The following COBL variants were observed in gnomAD, a reference collection of about 807,000 sequenced individuals.
COBL encodes the protein cordon-bleu WH2 repeat protein.
Under a neutral mutation model 98.8 loss-of-function variants are expected in COBL, and 51 were observed. That is an observed-to-expected ratio of 0.52 (90% CI 0.41 to 0.65). The LOEUF is 0.65. Ranked by LOEUF, COBL falls within the 30% of genes least tolerant of loss-of-function variation. The pLI, the probability that COBL is intolerant of heterozygous loss-of-function variation, is 0.00. For missense variants in COBL, 1,617 were observed against 1,617.5 expected (o/e 1.00, Z 0.01); for synonymous variants, 634 against 651.7 (o/e 0.97, Z 0.41).
At chr7:51,303,085 T>A (rs1172746550) in intron 1 of COBL, among the ~76,000 whole-genome samples, 3 of 152,208 alleles carry the variant, frequency 2.0e-5, no homozygotes, top group Non-Finnish European at 4.4e-5. Flanking sequence ...TAGAATGTTT[T>A]AAAATACAAT....
chr7:51,185,881 G>A (rs1289822604), intron 4 of COBL, among the ~76,000 whole-genome samples: 3 of 152,218 alleles, frequency 2.0e-5, no homozygotes, highest in African/African-American at 7.2e-5. Flanking sequence ...CAAAAACCCA[G>A]CACACACGCT....
rs1563032290 is a variant in COBL at position 51,203,237 on chromosome 7, C to CT, written c.246-9649_246-9648insA. Among the ~76,000 whole-genome samples the CT allele has an allele frequency of 1.4e-4, 16 of 115,832 alleles. 1 individual carries two copies. Among genetic ancestry groups the CT allele is most frequent in the Admixed American group, 4.0e-4 (5 of 12,356 alleles). The allele number at this position is 115,832 out of a possible 152,430, so 76.0% of individuals were successfully genotyped here. ...AAAACTCTTGGGAGGCCGAGGCGGG[C>CT]GGATCACGAGGTCAGGAGATCGAGA... On this transcript the variant is annotated intron_variant, in intron 2 of 12. Coordinates refer to ENST00000265136, the MANE Select transcript of COBL (RefSeq NM_015198.5).
At chr7:51,106,878 T>A (rs1398493246) in intron 6 of COBL, among the ~76,000 whole-genome samples, 1 of 152,136 alleles carries the variant, frequency 6.6e-6, no homozygotes, top group Non-Finnish European at 1.5e-5. Context: ...GTCCTTTTTT[T>A]TTCTACCTGA....
intron 1 of COBL, among the ~76,000 whole-genome samples, chr7:51,236,911 C>A (rs565622368): frequency 6.6e-6 from 1 of 152,182 alleles, no homozygotes; most frequent in Non-Finnish European, 1.5e-5. Context: ...CTCAGGGGGT[C>A]AACGGTCTCG....
At chr7:51,048,167 AAAAT>A (rs752092595) in intron 7 of COBL, among the ~76,000 whole-genome samples, 3 of 151,864 alleles carry the variant, frequency 2.0e-5, no homozygotes, top group East Asian at 1.9e-4. Flanking sequence ...CTCCATCTCA[AAAAT>A]AAATAAATAA....
At chr7:51,135,389 C>T (rs1467611819) in intron 6 of COBL, among the ~76,000 whole-genome samples, 4 of 151,974 alleles carry the variant, frequency 2.6e-5, no homozygotes, top group Non-Finnish European at 5.9e-5. Flanking sequence ...TCTCTGAGAC[C>T]CAGGGATAAA....
intron 1 of COBL, chr7:51,259,462 T>G (rs1030081421): frequency 1.8e-6 from 1 of 549,900 alleles, no homozygotes; most frequent in African/African-American, 1.9e-5. Context: ...GATTGATGTG[T>G]TCACCCCGAC....
At chr7:51,260,913 T>C (rs1489747638) in intron 1 of COBL, among the ~76,000 whole-genome samples, 1 of 151,986 alleles carries the variant, frequency 6.6e-6, no homozygotes. Flanking sequence ...ATAGGGAGGG[T>C]AGGCTCAGAT....
At chr7:51,079,228 G>A (rs923672191) in intron 7 of COBL, among the ~76,000 whole-genome samples, 8 of 152,034 alleles carry the variant, frequency 5.3e-5, no homozygotes, top group Non-Finnish European at 7.4e-5. Context: ...TGAAATCCAC[G>A]GAGATTTTCA....
intron 1 of COBL, among the ~76,000 whole-genome samples, chr7:51,226,195 C>G (rs899308420): frequency 1.3e-5 from 2 of 152,086 alleles, no homozygotes; most frequent in African/African-American, 4.8e-5. Context: ...GTTGGCTACT[C>G]TGGCTGGCTG....
intron 1 of COBL, among the ~76,000 whole-genome samples, chr7:51,297,838 G>A (rs1015898132): frequency 4.6e-5 from 7 of 152,164 alleles, no homozygotes; most frequent in Non-Finnish European, 8.8e-5. Context: ...GAGGCCACTC[G>A]ATGTATGTTT....
At chr7:51,251,467 A>T (rs564783030) in intron 1 of COBL, among the ~76,000 whole-genome samples, 25 of 152,320 alleles carry the variant, frequency 1.6e-4, no homozygotes, top group African/African-American at 5.8e-4. Flanking sequence ...ATCATTCTCA[A>T]ATGACCTCTG....
At chr7:51,172,310 T>A (rs180919584) in intron 5 of COBL, 1 of 296,174 alleles carries the variant, frequency 3.4e-6, no homozygotes, top group African/African-American at 2.2e-5. Context: ...TAAAAAAGAA[T>A]CAATAGGCGG....
intron 5 of COBL, among the ~76,000 whole-genome samples, chr7:51,165,097 T>A (rs1411622432): frequency 6.6e-6 from 1 of 151,336 alleles, no homozygotes; most frequent in Admixed American, 6.6e-5. Flanking sequence ...AGAAAACAGA[T>A]AACAAAATAA....
At chr7:51,164,830 A>G (rs1303478246) in intron 5 of COBL, among the ~76,000 whole-genome samples, 2 of 152,122 alleles carry the variant, frequency 1.3e-5, no homozygotes, top group Non-Finnish European at 2.9e-5. Flanking sequence ...AGACAGTACA[A>G]TAAGATATAA....
At chr7:51,237,301 A>AT (rs1228664615) in intron 1 of COBL, among the ~76,000 whole-genome samples, 1 of 143,714 alleles carries the variant, frequency 7.0e-6, no homozygotes, top group Non-Finnish European at 1.5e-5. Flanking sequence ...AAAAACAAAG[A>AT]TTTTAAGCAA....
rs139960133 is a variant in COBL, at chr7:51,220,188, T to C, written c.42-244A>G. Among the ~76,000 whole-genome samples, 75 of 152,010 alleles carry C rather than the reference T, an allele frequency of 4.9e-4. No individual in the cohort carries two copies. In the East Asian group the frequency reaches 0.013, roughly 26 times the overall value. On this transcript the variant is annotated intron_variant, in intron 1 of 12. Coordinates refer to ENST00000265136, the MANE Select transcript of COBL (RefSeq NM_015198.5). ...AAAAACATGCTTGCTGTCAGGGAGG[T>C]ACACAAGCCTGTATTCACAGGATCT...
chr7:51,287,475 A>T (rs1431399092), intron 1 of COBL, among the ~76,000 whole-genome samples: 1 of 152,238 alleles, frequency 6.6e-6, no homozygotes, highest in Non-Finnish European at 1.5e-5. Flanking sequence ...AATCTTAAAA[A>T]TATCAAGTGC....
intron 1 of COBL, among the ~76,000 whole-genome samples, chr7:51,310,853 T>G (rs1802959250): frequency 6.6e-6 from 1 of 152,180 alleles, no homozygotes; most frequent in South Asian, 2.1e-4. Flanking sequence ...AGATGGGGTT[T>G]CACCATCTTG....
Sources: gnomAD v4.1 joint callset for allele counts (sites outside exome capture counted in the v4.1 genomes callset) on GRCh38, gnomAD v4.1.1 for gene constraint, MANE v1.5 for transcripts, NCBI Gene and HGNC (gene_info 2026-07-23, HGNC 2026-07-21) for gene names.